The following SAMD3 variants were observed in gnomAD, a reference collection of about 807,000 sequenced individuals.
SAMD3 encodes sterile alpha motif domain containing 3.
Under a neutral mutation model 58.5 loss-of-function variants are expected in SAMD3, and 63 were observed. The observed-to-expected ratio is 1.08, with a 90% confidence interval of 0.88 to 1.33. The LOEUF (loss-of-function observed/expected upper bound fraction) is 1.33, where lower values mean the gene tolerates loss of function less well. Ranked by LOEUF, SAMD3 falls within the 40% of genes most tolerant of loss-of-function variation. The pLI is 0.00. For missense variants in SAMD3, 604 were observed against 608.4 expected, an observed-to-expected ratio of 0.99 and a Z score of 0.08; for synonymous variants, 220 against 210.3, an observed-to-expected ratio of 1.05 and a Z score of -0.40.
chr6:130,289,508 G>T (rs626057), intron 2 of SAMD3, among the ~76,000 whole-genome samples: 95,524 of 151,688 alleles, frequency 0.63, 30,295 homozygotes, highest in African/African-American at 0.7. Flanking sequence ...AATATATATA[G>T]AGAGAGAGAG....
chr6:130,144,885 A>C, intron 11 of SAMD3, 81 bp from the exon 12 acceptor site: 1 of 1,243,936 alleles, frequency 8.0e-7, no homozygotes, highest in Non-Finnish European at 1.1e-6. Flanking sequence ...ATGGTATTAC[A>C]ATAAATCAGC....
chr6:130,215,512 C>G (rs916217016), intron 2 of SAMD3: 1 of 1,331,306 alleles, frequency 7.5e-7, no homozygotes, highest in Non-Finnish European at 9.6e-7. Flanking sequence ...TTCCTAGCAT[C>G]CCATTTCTCA....
rs568281162 is a variant in SAMD3, at chr6:130,174,950, A to C, written c.822+891T>G. ...CTATCCTATGGATCTTATAACTAGC[A>C]CTAGTAAAACTGAGGTGACTCAATG... On this transcript the variant is annotated intron_variant, in intron 8 of 11. Transcript: ENST00000439090. Among the ~76,000 whole-genome samples the C allele has an allele frequency of 2.6e-5, 4 of 152,370 alleles. No individual in the cohort carries two copies. In the East Asian group the frequency reaches 7.7e-4, roughly 29 times the overall value.
chr6:130,195,196 TCA>T (rs1243806814), intron 5 of SAMD3, among the ~76,000 whole-genome samples: 8 of 152,072 alleles, frequency 5.3e-5, no homozygotes, highest in Non-Finnish European at 1.2e-4. Flanking sequence ...AAAGCCTCCT[TCA>T]TGTCCTCCTC....
chr6:130,362,398 G>A (rs909508034), intron 1 of SAMD3, among the ~76,000 whole-genome samples: 2 of 152,174 alleles, frequency 1.3e-5, no homozygotes, highest in South Asian at 4.1e-4. Context: ...AGTGGAACAG[G>A]TGGGCCACCA....
intron 2 of SAMD3, among the ~76,000 whole-genome samples, chr6:130,254,216 A>G (rs1167652497): frequency 6.6e-6 from 1 of 151,742 alleles, no homozygotes; most frequent in Non-Finnish European, 1.5e-5. Context: ...TTTCTGAGAC[A>G]GAGTTTTGCT....
chr6:130,249,004 T>C (rs1006474654), intron 2 of SAMD3, among the ~76,000 whole-genome samples: 1 of 152,206 alleles, frequency 6.6e-6, no homozygotes, highest in East Asian at 1.9e-4. Context: ...TTTTAAAGAA[T>C]AAAATTTATC....
intron 1 of SAMD3, among the ~76,000 whole-genome samples, chr6:130,317,346 A>G (rs1776411642): frequency 6.6e-6 from 1 of 152,210 alleles, no homozygotes; most frequent in Admixed American, 6.5e-5. Flanking sequence ...CATCCATAAA[A>G]TATTTGTTGG....
intron 7 of SAMD3, 161 bp from the exon 8 acceptor site, chr6:130,176,169 C>G (rs1333421933): frequency 1.4e-6 from 1 of 695,962 alleles, no homozygotes. Flanking sequence ...CTTTTATCCT[C>G]ACAGCAATCT....
chr6:130,351,077 G>A (rs200133493), intron 1 of SAMD3, among the ~76,000 whole-genome samples: 9,424 of 151,854 alleles, frequency 0.062, 608 homozygotes, highest in East Asian at 0.29. Flanking sequence ...AAATTAATTG[G>A]GGATGGATTA....
At chr6:130,262,063 G>GA (rs59218287) in intron 2 of SAMD3, among the ~76,000 whole-genome samples, 4,800 of 147,984 alleles carry the variant, frequency 0.032, 249 homozygotes, top group African/African-American at 0.11. Flanking sequence ...AAGTAGTTAA[G>GA]AAAAAAAAAA....
intron 1 of SAMD3, among the ~76,000 whole-genome samples, chr6:130,313,674 A>G (rs974375214): frequency 6.6e-6 from 1 of 152,170 alleles, no homozygotes; most frequent in African/African-American, 2.4e-5. Flanking sequence ...CCATAGAGGT[A>G]GAAGAGGGCC....
chr6:130,293,516 T>C (rs1331269062), intron 2 of SAMD3, among the ~76,000 whole-genome samples: 1 of 151,826 alleles, frequency 6.6e-6, no homozygotes, highest in African/African-American at 2.4e-5. Flanking sequence ...TTACCACCTT[T>C]TTGTGACCAT....
intron 1 of SAMD3, chr6:130,221,407 C>A (rs887758720): frequency 6.6e-6 from 1 of 152,492 alleles, no homozygotes; most frequent in African/African-American, 2.4e-5. Context: ...GGGGTTGGGA[C>A]GCTGACTCTG....
At chr6:130,229,399 C>A (rs73614570) in intron 2 of SAMD3, among the ~76,000 whole-genome samples, 1,919 of 152,262 alleles carry the variant, frequency 0.013, 30 homozygotes, top group African/African-American at 0.044. Context: ...CCAGGAAGAA[C>A]TGAGGTCACT....
intron 1 of SAMD3, among the ~76,000 whole-genome samples, chr6:130,358,683 T>C (rs562874687): frequency 7.9e-5 from 12 of 151,832 alleles, no homozygotes; most frequent in Admixed American, 3.3e-4. Flanking sequence ...CATTCCCCAT[T>C]GGTAGCCTCT....
At chr6:130,270,143 G>A (rs1475598782) in intron 2 of SAMD3, among the ~76,000 whole-genome samples, 3 of 152,136 alleles carry the variant, frequency 2.0e-5, no homozygotes, top group African/African-American at 7.2e-5. Context: ...CCAGGCTGGA[G>A]TGCAGTGACA....
chr6:130,157,669 A>AAT (rs1435209128), intron 8 of SAMD3, among the ~76,000 whole-genome samples: 1 of 152,210 alleles, frequency 6.6e-6, no homozygotes, highest in Non-Finnish European at 1.5e-5. Context: ...ATAATCTTTA[A>AAT]AATCAGAAGC....
chr6:130,335,649 C>T (rs1044136004), intron 1 of SAMD3, among the ~76,000 whole-genome samples: 2 of 152,162 alleles, frequency 1.3e-5, no homozygotes, highest in African/African-American at 4.8e-5. Context: ...TTTGACCCAG[C>T]CATCCCATTA....
Sources: gnomAD v4.1 joint callset for allele counts (sites outside exome capture counted in the v4.1 genomes callset) on GRCh38, gnomAD v4.1.1 for gene constraint, MANE v1.5 for transcripts, NCBI Gene and HGNC (gene_info 2026-07-23, HGNC 2026-07-21) for gene names.